Variants in CSMD3 observed in about 807,000 individuals in gnomAD.
CSMD3 encodes CUB and sushi domain-containing protein 3.
CSMD3 carries 177 observed loss-of-function variants against 435.2 expected under a neutral mutation model. The observed-to-expected ratio is 0.41, with a 90% CI of 0.36 to 0.46. The LOEUF (loss-of-function observed/expected upper bound fraction) is 0.46, where lower values mean the gene tolerates loss of function less well. Among genes scored for constraint, CSMD3 ranks in the 20% least tolerant of loss-of-function variants. The pLI, the probability that CSMD3 is intolerant of heterozygous loss-of-function variation, is 0.34. For missense variants in CSMD3, 4,265 were observed against 4,504.6 expected, an observed-to-expected ratio of 0.95 and a Z score of 1.52; for synonymous variants, 1,656 against 1,520.5, an observed-to-expected ratio of 1.09 and a Z score of -2.07.
chr8:112,297,521 C>A (rs752483822), intron 53 of CSMD3, among the ~76,000 whole-genome samples: 2 of 151,914 alleles, frequency 1.3e-5, no homozygotes, highest in Non-Finnish European at 2.9e-5. Context: ...TAGCAAAATG[C>A]AGTGCCTATT....
At chr8:112,953,323 T>TA (rs1265541259) in intron 8 of CSMD3, among the ~76,000 whole-genome samples, 1 of 151,544 alleles carries the variant, frequency 6.6e-6, no homozygotes, top group Non-Finnish European at 1.5e-5. Flanking sequence ...TGTCTTTTTT[T>TA]ATCATAGAAA....
chr8:113,109,821 C>T (rs1235281284), intron 4 of CSMD3, among the ~76,000 whole-genome samples: 2 of 152,182 alleles, frequency 1.3e-5, no homozygotes, highest in Admixed American at 1.3e-4. Flanking sequence ...ACTTCCAGGG[C>T]AGTTTTCTTT....
chr8:112,926,612 A>G (rs2082920043), intron 9 of CSMD3, among the ~76,000 whole-genome samples: 1 of 152,162 alleles, frequency 6.6e-6, no homozygotes, highest in African/African-American at 2.4e-5. Flanking sequence ...ACACCCTATA[A>G]TATCAAAGCT....
chr8:113,054,730 C>A lies in CSMD3; in HGVS notation c.918-35551G>T, dbSNP rs552002663. Among the ~76,000 whole-genome samples, 7 of 152,284 alleles carry A rather than the reference C, an allele frequency of 4.6e-5. No homozygotes were observed. In the South Asian group the frequency reaches 1.2e-3, roughly 27 times the overall value. ...TCTTGCTTCCCTTTAAAGTGATACT[C>A]CTGGAAAAAACTTTCTGTACACGCT... On this transcript the variant is annotated intron_variant, in intron 5 of 70. Transcript: ENST00000297405.
chr8:113,032,615 AG>A (rs1433683129), intron 5 of CSMD3, among the ~76,000 whole-genome samples: 2 of 151,676 alleles, frequency 1.3e-5, no homozygotes, highest in Non-Finnish European at 2.9e-5. Flanking sequence ...TACGTTTAAA[AG>A]GAAAGTAAAG....
At chr8:113,207,283 G>C (rs1323176703) in intron 3 of CSMD3, among the ~76,000 whole-genome samples, 1 of 151,656 alleles carries the variant, frequency 6.6e-6, no homozygotes, top group Non-Finnish European at 1.5e-5. Context: ...TCAAGCCAAA[G>C]CTGTCTATTA....
rs776326039 is a variant in CSMD3 at position 112,337,658 on chromosome 8, C to T, written c.6726G>A (p.Val2242=). ...NGFVIGNDFT[V]GQTISFECFP... Reference sequence around the variant, plus strand: ...AACATTCAAATGAAATGGTTTGACCCACAGTAAAATCATTACCAATTACAA... The same window carrying T: ...AACATTCAAATGAAATGGTTTGACCTACAGTAAAATCATTACCAATTACAA... The change falls in exon 43 of 71, where the codon GTG becomes GTA. Residue 2242 remains valine (V), a synonymous_variant. Coordinates refer to ENST00000297405, the MANE Select transcript of CSMD3 (RefSeq NM_198123.2). 3.1e-6 allele frequency: 5 copies of T among 1,613,224 alleles called. No homozygotes were observed. The highest frequency in any genetic ancestry group is 8.5e-7 in the Non-Finnish European group (1 of 1,179,334).
intron 12 of CSMD3, among the ~76,000 whole-genome samples, chr8:112,825,280 A>G (rs1024693356): frequency 2.0e-5 from 3 of 152,036 alleles, no homozygotes; most frequent in African/African-American, 7.2e-5. Context: ...GTTTGTTATT[A>G]CTCAACATCT....
At chr8:113,156,964 CAGAG>C in intron 4 of CSMD3, among the ~76,000 whole-genome samples, 1 of 149,778 alleles carries the variant, frequency 6.7e-6, no homozygotes, top group Non-Finnish European at 1.5e-5. Flanking sequence ...GAGACAGAGA[CAGAG>C]AGAGAGAGAT....
intron 10 of CSMD3, among the ~76,000 whole-genome samples, chr8:112,892,150 C>T (rs1222216638): frequency 1.3e-5 from 2 of 151,226 alleles, no homozygotes; most frequent in African/African-American, 4.9e-5. Flanking sequence ...GTATTCTCTC[C>T]CTTATTGCCA....
chr8:113,329,063 A>C (rs906827739), intron 1 of CSMD3, among the ~76,000 whole-genome samples: 1 of 151,942 alleles, frequency 6.6e-6, no homozygotes, highest in African/African-American at 2.4e-5. Context: ...TGTTTTCAAC[A>C]AAAATTATGA....
chr8:113,089,898 C>T (rs1381339061), intron 5 of CSMD3, among the ~76,000 whole-genome samples: 1 of 151,984 alleles, frequency 6.6e-6, no homozygotes, highest in South Asian at 2.1e-4. Context: ...AAAAAGAAAG[C>T]ACCTGCCTTT....
chr8:113,344,501 G>A (rs546089640), intron 1 of CSMD3, among the ~76,000 whole-genome samples: 3 of 152,168 alleles, frequency 2.0e-5, no homozygotes, highest in East Asian at 1.9e-4. Context: ...TGCTTGCTTC[G>A]AAATAATGTG....
intron 5 of CSMD3, among the ~76,000 whole-genome samples, chr8:113,042,725 A>G (rs1192199120): frequency 7.2e-5 from 11 of 152,200 alleles, no homozygotes; most frequent in Admixed American, 6.5e-4. Flanking sequence ...GAACAGAAAT[A>G]TAGGAATATG....
At chr8:112,887,704 T>C (rs1256388631) in intron 10 of CSMD3, among the ~76,000 whole-genome samples, 1 of 150,618 alleles carries the variant, frequency 6.6e-6, no homozygotes, top group African/African-American at 2.4e-5. Flanking sequence ...GAATAAATGG[T>C]TGATTACTTA....
At chr8:113,353,903 T>C (rs1254805709) in intron 1 of CSMD3, among the ~76,000 whole-genome samples, 1 of 152,196 alleles carries the variant, frequency 6.6e-6, no homozygotes, top group Non-Finnish European at 1.5e-5. Context: ...TCTTTTCTGC[T>C]TGTCTCAGTG....
At chr8:112,969,002 A>C (rs1452569058) in intron 7 of CSMD3, among the ~76,000 whole-genome samples, 1 of 152,018 alleles carries the variant, frequency 6.6e-6, no homozygotes, top group Non-Finnish European at 1.5e-5. Flanking sequence ...GAAAACATTT[A>C]AAATATATTT....
chr8:112,526,167 A>C (rs1824937895), intron 27 of CSMD3, among the ~76,000 whole-genome samples: 1 of 151,764 alleles, frequency 6.6e-6, no homozygotes, highest in South Asian at 2.1e-4. Flanking sequence ...GCACTGTACT[A>C]ACTGAATATT....
intron 1 of CSMD3, among the ~76,000 whole-genome samples, chr8:113,371,914 C>G (rs80106164): frequency 0.033 from 5,021 of 152,020 alleles, 104 homozygotes; most frequent in Middle Eastern, 0.061. Flanking sequence ...AGGTATTGCT[C>G]ATATGGGAGT....
Sources: gnomAD v4.1 joint callset for allele counts (sites outside exome capture counted in the v4.1 genomes callset) on GRCh38, gnomAD v4.1.1 for gene constraint, MANE v1.5 for transcripts, NCBI Gene and HGNC (gene_info 2026-07-23, HGNC 2026-07-21) for gene names.